The following DNAH17 variants were observed in gnomAD, a reference collection of about 807,000 sequenced individuals.
DNAH17 encodes the protein axonemal beta dynein heavy chain 17.
A neutral mutation model predicts 485.6 loss-of-function variants in DNAH17; 376 were observed. The ratio of observed to expected loss-of-function variants is 0.77; its 90% CI spans 0.71 to 0.84. The LOEUF is 0.84. Among genes scored for constraint, DNAH17 ranks in the 40% least tolerant of loss-of-function variants. DNAH17 has a pLI of 0.00. For synonymous variants in DNAH17, 3,031 were observed against 2,405.9 expected (o/e 1.26, Z -7.60); for missense variants, 6,370 against 5,839.3 (o/e 1.09, Z -2.96).
At chr17:78,542,225 G>A (rs2091614484) in intron 17 of DNAH17, among the ~76,000 whole-genome samples, 1 of 148,876 alleles carries the variant, frequency 6.7e-6, no homozygotes, top group South Asian at 2.1e-4. Context: ...TTGGTTCACT[G>A]CAACCTCCGC....
chr17:78,449,627 G>A lies in DNAH17; in HGVS notation c.11041-43C>T, dbSNP rs747082422. ...AGAGCCATGGAGGCGTGCAGAGATGGAGCCCTTCACCACTCCCCGCCACCA... is the reference window on the plus strand; with the variant it reads ...AGAGCCATGGAGGCGTGCAGAGATGAAGCCCTTCACCACTCCCCGCCACCA... On this transcript the variant is annotated intron_variant, in intron 68 of 80. Coordinates refer to ENST00000389840, the MANE Select transcript of DNAH17 (RefSeq NM_173628.4). The A allele has an allele frequency of 2.9e-5, 45 of 1,555,294 alleles. No individual in the cohort carries two copies. In the Admixed American group the frequency reaches 7.1e-4, roughly 24 times the overall value.
intron 56 of DNAH17, among the ~76,000 whole-genome samples, chr17:78,464,508 G>A (rs1402026311): frequency 2.0e-5 from 3 of 152,168 alleles, no homozygotes; most frequent in African/African-American, 7.2e-5. Context: ...TGATCTGCCC[G>A]CTTTGGCCCC....
At chr17:78,491,413 C>T (rs2089848980) in intron 43 of DNAH17, 30 bp downstream of exon 43, 6 of 1,607,924 alleles carry the variant, frequency 3.7e-6, no homozygotes, top group African/African-American at 2.7e-5. Context: ...CTTGGGTGGC[C>T]TTGGGGCTTA....
chr17:78,425,690 A>G lies in DNAH17; in HGVS notation c.12916-119T>C, dbSNP rs535044371. The G allele has an allele frequency of 5.6e-6, 5 of 886,756 alleles. No homozygotes were observed. In the South Asian group the frequency reaches 8.8e-5, roughly 16 times the overall value. The allele number at this position is 886,756 out of a possible 1,614,324, so 54.9% of individuals were successfully genotyped here. ...CCTTCCACGGGCCACTCAGCGAGCT[A>G]GAAGTGCTGGACAGAGTAGGGGCCA... On this transcript the variant is annotated intron_variant, in intron 79 of 80. Transcript: ENST00000389840.
intron 61 of DNAH17, 65 bp downstream of exon 61, chr17:78,458,936 A>G: frequency 6.5e-7 from 1 of 1,535,566 alleles, no homozygotes; most frequent in Non-Finnish European, 9.0e-7. Context: ...CAACAGAGGT[A>G]TTGACTGGCA....
intron 59 of DNAH17, 47 bp downstream of exon 59, chr17:78,460,115 C>T (rs1358461048): frequency 1.3e-6 from 2 of 1,579,416 alleles, no homozygotes; most frequent in Non-Finnish European, 1.7e-6. Context: ...AAGGCAGCTT[C>T]CTCTCCAACC....
rs1439755234 is a variant in DNAH17, at chr17:78,427,019, G to T, written c.12678C>A (p.Pro4226=). The change falls in exon 78 of 81, where the codon CCC becomes CCA. Residue 4226 remains proline, a synonymous_variant. Transcript: ENST00000389840. The part of the protein sequence containing the change: ...EIMAKAAEKT[P]YVVVAFQECE... ...ATTCTTGAAAGGCGACTACCACGTA[G>T]GGGGTCTTTTCCGCTGCCTTTGCCA... is the stretch of plus-strand genomic sequence containing the variant. 1.9e-6 allele frequency: 3 copies of T among 1,608,128 alleles called. No homozygotes were observed. Among genetic ancestry groups the T allele is most frequent in the Non-Finnish European group, 2.5e-6 (3 of 1,177,474 alleles).
rs555809280 is a variant in DNAH17 at position 78,535,801 on chromosome 17, G to A, written c.2859+1498C>T. ...TAACTTGATAAATGTCTAATAACCT[G>A]TCACAACACCTTTCCATCCTTGGCT... is the stretch of plus-strand genomic sequence containing the variant. On this transcript the variant is annotated intron_variant, in intron 19 of 80. Transcript: ENST00000389840. 9.4e-4 allele frequency among the ~76,000 whole-genome samples: 143 copies of A among 152,150 alleles called. 1 individual carries two copies. Among genetic ancestry groups the A allele is most frequent in the African/African-American group, 3.4e-3 (140 of 41,490 alleles).
At chr17:78,522,751 T>C (rs559211079) in intron 25 of DNAH17, 2 of 217,702 alleles carry the variant, frequency 9.2e-6, no homozygotes, top group East Asian at 1.2e-4. Context: ...GCAAAAACAA[T>C]AATGCCGAAA....
At chr17:78,460,321 C>CGTGTATGTGT in intron 58 of DNAH17, 64 bp from the exon 59 acceptor site, 2 of 872,166 alleles carry the variant, frequency 2.3e-6, no homozygotes, top group Admixed American at 2.5e-5. Context: ...GGGGCGTGTA[C>CGTGTATGTGT]GTGCATGTGT....
intron 1 of DNAH17, among the ~76,000 whole-genome samples, chr17:78,576,492 C>T (rs2143772222): frequency 6.6e-6 from 1 of 152,266 alleles, no homozygotes; most frequent in South Asian, 2.1e-4. Context: ...GTAGGAGGAG[C>T]ACCGCGTGGC....
At chr17:78,541,830 G>T (rs1254659863) in intron 17 of DNAH17, among the ~76,000 whole-genome samples, 1 of 152,122 alleles carries the variant, frequency 6.6e-6, no homozygotes, top group African/African-American at 2.4e-5. Context: ...GTGTTAACAA[G>T]CTAATCAGTT....
intron 71 of DNAH17, among the ~76,000 whole-genome samples, chr17:78,443,726 T>A (rs1481317234): frequency 6.6e-6 from 1 of 152,122 alleles, no homozygotes; most frequent in East Asian, 1.9e-4. Context: ...ATTTTTAGAC[T>A]TTTTGTAGAG....
chr17:78,530,888 C>G (rs947052604), intron 20 of DNAH17, among the ~76,000 whole-genome samples: 11 of 152,340 alleles, frequency 7.2e-5, no homozygotes, highest in African/African-American at 2.6e-4. Flanking sequence ...GCTGCCCCAA[C>G]CCTGTGCTAC....
chr17:78,426,488 G>A lies in DNAH17; in HGVS notation c.12884C>T (p.Ala4295Val), dbSNP rs1004493578. The A allele has an allele frequency of 9.3e-6, 15 of 1,611,234 alleles. No individual in the cohort carries two copies. The highest frequency in any genetic ancestry group is 1.3e-5 in the Non-Finnish European group (15 of 1,178,820). The change falls in exon 79 of 81, where the codon GCC becomes GTC. Residue 4295 changes from alanine to valine, a missense_variant. Transcript: ENST00000389840. ...RAYPSMMGLA[A>V]WYADLLLRIR... The stretch of plus-strand genomic sequence containing the variant: ...GCGGAGCAGCAGGTCTGCGTACCAG[G>A]CCGCCAGGCCCATCATGGAGGGGTA...
At chr17:78,489,255 A>C (rs537090645) in intron 44 of DNAH17, 22 of 152,408 alleles carry the variant, frequency 1.4e-4, no homozygotes, top group African/African-American at 5.1e-4. Context: ...GAACTCCGGA[A>C]ACTTAATTTT....
chr17:78,566,847 G>A lies in DNAH17; in HGVS notation c.1453-117C>T. On this transcript the variant is annotated intron_variant, in intron 10 of 80. Transcript: ENST00000389840. ...GGACTGAGGCGCAGCTGAATGTGCT[G>A]TTGCGGGGACCGCTCTACACAGTTT... 3.8e-6 allele frequency: 5 copies of A among 1,304,416 alleles called. No individual in the cohort carries two copies. The East Asian group carries it at 7.6e-5, about 20-fold the overall frequency. The allele number at this position is 1,304,416 out of a possible 1,614,324, so 80.8% of individuals were successfully genotyped here. A position where few individuals can be genotyped will look rare whatever the true frequency, so the allele number is the denominator to read the frequency against.
At position 78,453,437 on chromosome 17, in the gene DNAH17, A is replaced by G; in HGVS notation, c.10435T>C (p.Ser3479Pro). The part of the protein sequence containing the change: ...SYLDVIEQAI[S>P]EGDTLLIENI... ...TCAATGAGCAAGGTGTCCCCTTCCG[A>G]GATGGCCTGCTCGATGACATCCAGG... Residue 3479 changes from serine to proline, a missense_variant, in exon 65 of 81, where the codon TCG becomes CCG. Physicochemically the swap from Ser to Pro is moderately conservative, Grantham distance 74. Transcript: ENST00000389840. 1 of 1,613,940 alleles carries G rather than the reference A, an allele frequency of 6.2e-7. No homozygotes were observed. Among genetic ancestry groups the G allele is most frequent in the African/African-American group, 1.3e-5 (1 of 75,054 alleles).
chr17:78,432,912 C>CCCCCG lies in DNAH17; in HGVS notation c.12225+1116_12225+1117insCGGGG, dbSNP rs1555650529. ...GCAGGCTTCAAACGTGCCCCCCCCC[C>CCCCCG]CCGACCCCGGTGCCAGCACCGTTTC... On this transcript the variant is annotated intron_variant, in intron 75 of 80. Transcript: ENST00000389840. Among the ~76,000 whole-genome samples, 52 of 129,934 alleles carry CCCCCG rather than the reference C, an allele frequency of 4.0e-4. 3 individuals carry two copies. The highest frequency in any genetic ancestry group is 1.6e-3 in the African/African-American group (51 of 32,680). 85.2% of individuals were successfully genotyped at this position (129,934 alleles called of 152,430 possible). A position where few individuals can be genotyped will look rare whatever the true frequency, so the allele number is the denominator to read the frequency against.
Sources: allele counts gnomAD v4.1 joint callset (sites outside exome capture counted in the v4.1 genomes callset), GRCh38; gene constraint gnomAD v4.1.1; transcripts MANE v1.5; gene names NCBI Gene and HGNC (gene_info 2026-07-23, HGNC 2026-07-21).